Variants in CTNND2 observed in about 807,000 individuals in gnomAD.
CTNND2 encodes catenin delta 2, also known as catenin delta-2.
Under a neutral mutation model 144.4 loss-of-function variants are expected in CTNND2, and 22 were observed. The ratio of observed to expected loss-of-function variants is 0.15; its 90% CI spans 0.11 to 0.22. CTNND2 has a LOEUF of 0.22. CTNND2 is among the 10% of genes least tolerant of loss of function. The pLI is 1.00. For synonymous variants in CTNND2, 751 were observed against 695.6 expected (o/e 1.08, Z -1.25); for missense variants, 1,353 against 1,618.8 (o/e 0.84, Z 2.82).
At chr5:11,471,844 TC>T (rs1426848130) in intron 3 of CTNND2, among the ~76,000 whole-genome samples, 1 of 152,208 alleles carries the variant, frequency 6.6e-6, no homozygotes, top group Non-Finnish European at 1.5e-5. Flanking sequence ...TGGCATTAAT[TC>T]CCAAAGTGAA....
rs1791466299 is a variant in CTNND2 at position 11,797,564 on chromosome 5, C to T, written c.38-65292G>A. 4.6e-5 allele frequency among the ~76,000 whole-genome samples: 7 copies of T among 152,296 alleles called. No individual in the cohort carries two copies. In the South Asian group the frequency reaches 1.2e-3, roughly 27 times the overall value. On this transcript the variant is annotated intron_variant, in intron 1 of 21. Transcript: ENST00000304623. The stretch of plus-strand genomic sequence containing the variant: ...GTATTAAATGCTATTCTCAAATATT[C>T]ACCTCTAAGCTCCCATCGTCCTCAT...
intron 9 of CTNND2, among the ~76,000 whole-genome samples, chr5:11,251,687 A>G (rs1743673733): frequency 1.3e-5 from 2 of 152,236 alleles, no homozygotes; most frequent in African/African-American, 2.4e-5. Flanking sequence ...GAAAAACTTC[A>G]GCAAAATGAA....
intron 1 of CTNND2, among the ~76,000 whole-genome samples, chr5:11,819,495 C>A (rs1309520275): frequency 6.6e-6 from 1 of 152,112 alleles, no homozygotes; most frequent in Non-Finnish European, 1.5e-5. Context: ...GAAAACCCTG[C>A]AAAACCTTAA....
chr5:11,680,376 T>C (rs183592550), intron 2 of CTNND2, among the ~76,000 whole-genome samples: 5 of 152,228 alleles, frequency 3.3e-5, no homozygotes, highest in Admixed American at 1.3e-4. Context: ...TTGGTTGTCA[T>C]ATTGCCACAA....
At chr5:11,396,648 T>C (rs1760168830) in intron 6 of CTNND2, among the ~76,000 whole-genome samples, 1 of 152,192 alleles carries the variant, frequency 6.6e-6, no homozygotes, top group African/African-American at 2.4e-5. Context: ...ATGCTTTTTT[T>C]TAGGAGACAC....
chr5:11,229,784 T>C (rs926861003), intron 10 of CTNND2, among the ~76,000 whole-genome samples: 1 of 151,854 alleles, frequency 6.6e-6, no homozygotes, highest in Admixed American at 6.6e-5. Context: ...TGTATAACTC[T>C]TTTTGTATAA....
chr5:11,509,490 T>TG (rs1771423482), intron 3 of CTNND2, among the ~76,000 whole-genome samples: 1 of 151,582 alleles, frequency 6.6e-6, no homozygotes, highest in African/African-American at 2.4e-5. Flanking sequence ...AACTGAATAA[T>TG]GAAAAAAAGG....
chr5:11,715,101 G>T (rs1217574010), intron 2 of CTNND2, among the ~76,000 whole-genome samples: 1 of 151,920 alleles, frequency 6.6e-6, no homozygotes, highest in African/African-American at 2.4e-5. Flanking sequence ...TTTCTTCATG[G>T]CCCTGAGTTA....
intron 7 of CTNND2, among the ~76,000 whole-genome samples, chr5:11,366,951 A>C (rs2149775444): frequency 6.6e-6 from 1 of 152,320 alleles, no homozygotes; most frequent in Admixed American, 6.5e-5. Context: ...GGTGCTAGGC[A>C]AGGAAGAAGA....
rs758183674 is a variant in CTNND2 at position 11,155,245 on chromosome 5, G to A, written c.2159+4331C>T. ...GGTTAAGAGATGGATTTGATCACAC[G>A]ATGTGCAAGGAAACAACAATGAGTG... On this transcript the variant is annotated intron_variant, in intron 12 of 21. Coordinates refer to ENST00000304623, the MANE Select transcript of CTNND2 (RefSeq NM_001332.4). 5.3e-5 allele frequency among the ~76,000 whole-genome samples: 8 copies of A among 152,152 alleles called. No individual in the cohort carries two copies. The South Asian group carries it at 6.2e-4, about 12-fold the overall frequency.
At chr5:11,283,673 CAAAAAAAAA>C (rs70947250) in intron 9 of CTNND2, among the ~76,000 whole-genome samples, 31 of 31,608 alleles carry the variant, frequency 9.8e-4, no homozygotes, top group African/African-American at 2.8e-3. Flanking sequence ...GACTCCGTCT[CAAAAAAAAA>C]AAAAAAAAAA....
At chr5:11,832,558 T>C (rs1057429144) in intron 1 of CTNND2, among the ~76,000 whole-genome samples, 1 of 152,144 alleles carries the variant, frequency 6.6e-6, no homozygotes, top group African/African-American at 2.4e-5. Flanking sequence ...CATAAAAAGA[T>C]ATTCAACATC....
chr5:11,859,797 G>A lies in CTNND2; in HGVS notation c.37+44020C>T, dbSNP rs1795419793. On this transcript the variant is annotated intron_variant, in intron 1 of 21. Transcript: ENST00000304623. Reference sequence around the variant, plus strand: ...GTAGCAAAATTCATTCATTAATGGGGTGAAATCAGAGTCCCCATAAAACTC... The same window carrying A: ...GTAGCAAAATTCATTCATTAATGGGATGAAATCAGAGTCCCCATAAAACTC... Among the ~76,000 whole-genome samples, 3 of 152,040 alleles carry A rather than the reference G, an allele frequency of 2.0e-5. No homozygotes were observed. In the South Asian group the frequency reaches 6.2e-4, roughly 32 times the overall value.
In CTNND2 at chr5:11,022,988, GA is replaced by G. The variant is rs1742433022; in HGVS notation, c.2789-10del. ...TCGCATGGCGTATTTGCCTGGAAAA[GA>G]AAATAAAGAGAAGAGTTGAAAGGAG... is the stretch of plus-strand genomic sequence containing the variant. On this transcript the variant is annotated splice_polypyrimidine_tract_variant and intron_variant, in intron 16 of 21. Coordinates refer to ENST00000304623, the MANE Select transcript of CTNND2 (RefSeq NM_001332.4). The G allele has an allele frequency of 6.2e-7, 1 of 1,613,522 alleles. No homozygotes were observed. Among genetic ancestry groups the G allele is most frequent in the Admixed American group, 1.7e-5 (1 of 59,990 alleles).
intron 8 of CTNND2, among the ~76,000 whole-genome samples, chr5:11,352,593 A>C (rs1216174927): frequency 1.3e-5 from 2 of 152,202 alleles, no homozygotes; most frequent in Non-Finnish European, 2.9e-5. Flanking sequence ...ATAAGGTACT[A>C]CGGTCATGTT....
At position 11,591,503 on chromosome 5, in the gene CTNND2, T is replaced by G. The variant is rs191676310; in HGVS notation, c.175-26447A>C. 7.2e-5 allele frequency among the ~76,000 whole-genome samples: 11 copies of G among 152,282 alleles called. No homozygotes were observed. In the East Asian group the frequency reaches 2.1e-3, roughly 29 times the overall value. On this transcript the variant is annotated intron_variant, in intron 2 of 21. Coordinates refer to ENST00000304623, the MANE Select transcript of CTNND2 (RefSeq NM_001332.4). ...CAGTCCCGTTTATTTCTGCACTATTTGTCTGCTTGATGCTTCTAACATGGT... is the reference window on the plus strand; with the variant it reads ...CAGTCCCGTTTATTTCTGCACTATTGGTCTGCTTGATGCTTCTAACATGGT...
intron 2 of CTNND2, among the ~76,000 whole-genome samples, chr5:11,691,420 T>A (rs1413020325): frequency 6.8e-6 from 1 of 146,206 alleles, no homozygotes; most frequent in Non-Finnish European, 1.5e-5. Flanking sequence ...AAATAAAAAA[T>A]AAGAAATGAT....
rs116515942 is a variant in CTNND2, at chr5:11,075,117, G to A, written c.2788+7579C>T. Among the ~76,000 whole-genome samples, 1,116 of 152,336 alleles carry A rather than the reference G, an allele frequency of 7.3e-3. 7 individuals are homozygous for A. The highest frequency in any genetic ancestry group is 0.011 in the Non-Finnish European group (726 of 68,026). ...TTGTTCACGTGGGAAAACATGAGTT[G>A]TGTAATGCTCACTACACAGGGGGGC... On this transcript the variant is annotated intron_variant, in intron 16 of 21. Transcript: ENST00000304623.
At chr5:11,526,405 C>T (rs1415394943) in intron 3 of CTNND2, among the ~76,000 whole-genome samples, 1 of 152,132 alleles carries the variant, frequency 6.6e-6, no homozygotes, top group East Asian at 1.9e-4. Flanking sequence ...TGCTTCAAGT[C>T]GCAGTTTCCG....
Sources: gnomAD v4.1 joint callset for allele counts (sites outside exome capture counted in the v4.1 genomes callset) on GRCh38, gnomAD v4.1.1 for gene constraint, MANE v1.5 for transcripts, NCBI Gene and HGNC (gene_info 2026-07-23, HGNC 2026-07-21) for gene names.